ANK2: variants seen among roughly 807,000 people sequenced by gnomAD.
ANK2 encodes ankyrin 2, also known as ankyrin-2.
A neutral mutation model predicts 360.5 loss-of-function variants in ANK2; 83 were observed. The observed-to-expected ratio is 0.23, with a 90% CI of 0.19 to 0.28. ANK2 has a LOEUF of 0.28. Ranked by LOEUF, ANK2 falls within the 10% of genes least tolerant of loss-of-function variation. The pLI, the probability that ANK2 is intolerant of heterozygous loss-of-function variation, is 1.00. For synonymous variants in ANK2, 1,740 were observed against 1,759.5 expected (o/e 0.99, Z 0.28); for missense variants, 4,201 against 4,795.7 (o/e 0.88, Z 3.66).
chr4:113,150,827 T>A (rs1419890486), intron 1 of ANK2, among the ~76,000 whole-genome samples: 1 of 152,180 alleles, frequency 6.6e-6, no homozygotes, highest in African/African-American at 2.4e-5. Context: ...ATGAGGCACA[T>A]AGGCTAAGAT....
In ANK2 at chr4:113,358,438, C is replaced by A. The variant is rs1359116496; in HGVS notation, c.9820C>A (p.Pro3274Thr). The change falls in exon 38 of 46, where the codon CCC (proline) becomes ACC (threonine). Residue 3274 changes from proline to threonine, a missense_variant. Physicochemically the swap from Pro to Thr is conservative, Grantham distance 38. Coordinates refer to ENST00000357077, the MANE Select transcript of ANK2 (RefSeq NM_001148.6). ...SVYSDRGDDS[P>T]DSSPEEQKSV... ...TTATTCAGATAGGGGTGATGATTCT[C>A]CCGATTCTTCCCCAGAAGAACAGAA... is the stretch of plus-strand genomic sequence containing the variant. 3 of 1,614,082 alleles carry A rather than the reference C, an allele frequency of 1.9e-6. No individual in the cohort carries two copies. The highest frequency in any genetic ancestry group is 2.5e-6 in the Non-Finnish European group (3 of 1,179,956).
chr4:113,064,601 C>T (rs975300260), intron 1 of ANK2, among the ~76,000 whole-genome samples: 1 of 152,188 alleles, frequency 6.6e-6, no homozygotes, highest in African/African-American at 2.4e-5. Flanking sequence ...TGAAAAAGTA[C>T]CAACCACCCT....
At chr4:113,024,794 C>T (rs183346632) in intron 2 of ANK2, among the ~76,000 whole-genome samples, 146 of 152,150 alleles carry the variant, frequency 9.6e-4, no homozygotes, top group Middle Eastern at 3.4e-3. Flanking sequence ...TGGTTCTATG[C>T]GTTTGTTAGT....
At chr4:113,010,413 G>A (rs777140107) in intron 2 of ANK2, among the ~76,000 whole-genome samples, 1 of 152,058 alleles carries the variant, frequency 6.6e-6, no homozygotes, top group Non-Finnish European at 1.5e-5. Context: ...AACCTCATTT[G>A]TTTACTTATT....
rs755918619 is a variant in ANK2, at chr4:113,358,850, C to T, written c.10232C>T (p.Thr3411Ile). The change falls in exon 38 of 46, where the codon ACT becomes ATT. Residue 3411 changes from threonine to isoleucine, a missense_variant. By Grantham distance (89) the Thr-to-Ile change is moderately conservative. This residue lies in a region of ANK2 where 2,642 missense variants were observed against 2,714.5 expected (regional missense o/e 0.97). Coordinates refer to ENST00000357077, the MANE Select transcript of ANK2 (RefSeq NM_001148.6). The part of the protein sequence containing the change: ...TKCPVKTRSY[T>I]ETETESRERA... Reference sequence around the variant, plus strand: ...TGCCCAGTAAAAACCCGAAGTTACACTGAGACAGAAACAGAGAGCAGAGAG... The same window carrying T: ...TGCCCAGTAAAAACCCGAAGTTACATTGAGACAGAAACAGAGAGCAGAGAG... The T allele has an allele frequency of 6.2e-7, 1 of 1,614,048 alleles. No homozygotes were observed. Among genetic ancestry groups the T allele is most frequent in the Non-Finnish European group, 8.5e-7 (1 of 1,179,978 alleles).
intron 2 of ANK2, among the ~76,000 whole-genome samples, chr4:112,938,141 A>G (rs1326047884): frequency 1.3e-5 from 2 of 152,336 alleles, no homozygotes; most frequent in African/African-American, 4.8e-5. Flanking sequence ...TGTGTCCACA[A>G]TAGCACTTTC....
chr4:113,293,151 C>A, intron 21 of ANK2: 1 of 518,356 alleles, frequency 1.9e-6, no homozygotes. Flanking sequence ...AAGTGCAATA[C>A]AGTATTTGTA....
At chr4:113,120,587 T>C (rs920947174) in intron 1 of ANK2, among the ~76,000 whole-genome samples, 4 of 152,150 alleles carry the variant, frequency 2.6e-5, no homozygotes, top group Non-Finnish European at 4.4e-5. Flanking sequence ...AAACATATAT[T>C]TATTTTATTT....
At chr4:113,001,852 G>C (rs2050807552) in intron 2 of ANK2, among the ~76,000 whole-genome samples, 1 of 152,132 alleles carries the variant, frequency 6.6e-6, no homozygotes, top group African/African-American at 2.4e-5. Flanking sequence ...AATCTCAACA[G>C]CCTCCAGATG....
intron 2 of ANK2, among the ~76,000 whole-genome samples, chr4:113,031,022 A>G (rs2060288466): frequency 6.6e-6 from 1 of 152,038 alleles, no homozygotes; most frequent in South Asian, 2.1e-4. Flanking sequence ...TAGTAAAATG[A>G]CCATCCTGGA....
intron 23 of ANK2, 108 bp downstream of exon 23, chr4:113,302,947 C>T: frequency 1.0e-6 from 1 of 985,898 alleles, no homozygotes; most frequent in African/African-American, 1.6e-5. Flanking sequence ...AGAATCTTAA[C>T]ATTTAAAGTC....
chr4:112,778,904 C>G, the ANK2 span, among the ~76,000 whole-genome samples: 10 of 152,196 alleles, frequency 6.6e-5, no homozygotes, highest in Admixed American at 6.5e-4. Flanking sequence ...CTAGTGCTTT[C>G]CACTGATTTC....
chr4:112,926,984 A>C (rs935998315), intron 2 of ANK2, among the ~76,000 whole-genome samples: 5 of 152,146 alleles, frequency 3.3e-5, no homozygotes, highest in African/African-American at 1.2e-4. Context: ...AGGGGAAGCA[A>C]ACACATGGCA....
At chr4:113,128,407 T>TA (rs1264083641) in intron 1 of ANK2, among the ~76,000 whole-genome samples, 1 of 152,226 alleles carries the variant, frequency 6.6e-6, no homozygotes, top group African/African-American at 2.4e-5. Context: ...ATAGTCCCCC[T>TA]TTTTATGTGA....
chr4:112,957,699 C>G (rs2030649804), intron 2 of ANK2, among the ~76,000 whole-genome samples: 1 of 150,480 alleles, frequency 6.6e-6, no homozygotes, highest in African/African-American at 2.5e-5. Context: ...GGGGCTGACC[C>G]CCCCACCTCC....
chr4:113,117,934 G>C (rs1163652071), intron 1 of ANK2, among the ~76,000 whole-genome samples: 1 of 152,050 alleles, frequency 6.6e-6, no homozygotes, highest in South Asian at 2.1e-4. Context: ...TCACTTCTTA[G>C]TGAAGCTGCA....
intron 2 of ANK2, among the ~76,000 whole-genome samples, chr4:113,032,006 G>A (rs899851735): frequency 2.6e-5 from 4 of 151,832 alleles, no homozygotes; most frequent in Admixed American, 6.6e-5. Context: ...TTAACTCCTC[G>A]ATGAGCCCAA....
intron 1 of ANK2, among the ~76,000 whole-genome samples, chr4:113,108,907 T>C (rs2093974247): frequency 6.6e-6 from 1 of 152,350 alleles, no homozygotes; most frequent in South Asian, 2.1e-4. Context: ...ATTTTGGTGA[T>C]GCTTTTGAAT....
intron 1 of ANK2, among the ~76,000 whole-genome samples, chr4:112,852,920 T>A (rs2065362865): frequency 1.3e-5 from 2 of 152,248 alleles, no homozygotes; most frequent in Admixed American, 6.5e-5. Flanking sequence ...GCATGTAATA[T>A]TTAAAGTCAC....
Sources: allele counts gnomAD v4.1 joint callset (sites outside exome capture counted in the v4.1 genomes callset), GRCh38; gene constraint gnomAD v4.1.1; regional missense constraint gnomAD v4.1.1; transcripts MANE v1.5; gene names NCBI Gene and HGNC (gene_info 2026-07-23, HGNC 2026-07-21).